The following EEPD1 variants were observed in gnomAD, a reference collection of about 807,000 sequenced individuals.
EEPD1 encodes the protein endonuclease/exonuclease/phosphatase family domain containing 1, also known as endonuclease/exonuclease/phosphatase family domain-containing protein 1.
EEPD1 carries 17 observed loss-of-function variants against 46.3 expected under a neutral mutation model. The ratio of observed to expected loss-of-function variants is 0.37; its 90% CI spans 0.25 to 0.55. The LOEUF (loss-of-function observed/expected upper bound fraction) is 0.55, where lower values mean the gene tolerates loss of function less well. Among genes scored for constraint, EEPD1 ranks in the 20% least tolerant of loss-of-function variants. The probability of loss-of-function intolerance (pLI) is 0.83; values close to 1 mark genes in which losing one functional copy is unlikely to be tolerated. For synonymous variants in EEPD1, 313 were observed against 315.6 expected (o/e 0.99, Z 0.09); for missense variants, 673 against 745.6 (o/e 0.90, Z 1.13).
Position 36,298,376 on chromosome 7 carries a change from C to T in EEPD1, c.1511-631C>T, listed in dbSNP as rs1787558680. 2.6e-5 allele frequency among the ~76,000 whole-genome samples: 4 copies of T among 152,266 alleles called. No homozygotes were observed. In the South Asian group the frequency reaches 8.3e-4, roughly 32 times the overall value. On this transcript the variant is annotated intron_variant, in intron 7 of 7. Coordinates refer to ENST00000242108, the MANE Select transcript of EEPD1 (RefSeq NM_030636.3). ...CTACAGAATGGTCAGCAGTGTGTGC[C>T]AAAGCTCCACCCAGAATCTAGGCCC...
At chr7:36,180,611 C>T (rs1785256217) in intron 2 of EEPD1, among the ~76,000 whole-genome samples, 1 of 152,134 alleles carries the variant, frequency 6.6e-6, no homozygotes, top group Non-Finnish European at 1.5e-5. Flanking sequence ...GCTCTTAGGG[C>T]AGCCCTGGGA....
chr7:36,195,245 A>T (rs1196579836), intron 2 of EEPD1, among the ~76,000 whole-genome samples: 1 of 152,172 alleles, frequency 6.6e-6, no homozygotes, highest in Non-Finnish European at 1.5e-5. Flanking sequence ...AAGGGGGAGC[A>T]TGCGGGATTT....
In EEPD1 at chr7:36,239,044, T is replaced by G. The variant is rs1265457958; in HGVS notation, c.930+8T>G. ...AGAGAGGCCTTGGAAAAGGTAAATA[T>G]TTTACTCTTCCTTCCACATTCACAA... is the stretch of plus-strand genomic sequence containing the variant. On this transcript the variant is annotated splice_region_variant and intron_variant, in intron 3 of 7. Coordinates refer to ENST00000242108, the MANE Select transcript of EEPD1 (RefSeq NM_030636.3). 1 of 1,611,458 alleles carries G rather than the reference T, an allele frequency of 6.2e-7. No homozygotes were observed. The highest frequency in any genetic ancestry group is 1.3e-5 in the African/African-American group (1 of 74,904).
At chr7:36,170,260 T>G (rs1425718139) in intron 2 of EEPD1, among the ~76,000 whole-genome samples, 2 of 152,040 alleles carry the variant, frequency 1.3e-5, no homozygotes, top group African/African-American at 2.4e-5. Flanking sequence ...AATACAAAAA[T>G]TAGCTGGGCA....
rs114527058 is a variant in EEPD1 at position 36,217,818 on chromosome 7, A to G, written c.879-21167A>G. ...CTAACAAAACCCAGAGGTGAATTTC[A>G]CCTGGCCTAAAAGGAAGAGAAACCT... On this transcript the variant is annotated intron_variant, in intron 2 of 7. Transcript: ENST00000242108. 3.5e-3 allele frequency among the ~76,000 whole-genome samples: 540 copies of G among 152,252 alleles called. 4 individuals are homozygous for G. The highest frequency in any genetic ancestry group is 0.012 in the African/African-American group (507 of 41,538).
At chr7:36,274,469 A>G (rs196580) in intron 3 of EEPD1, among the ~76,000 whole-genome samples, 105,058 of 152,070 alleles carry the variant, frequency 0.69, 36,935 homozygotes, top group Non-Finnish European at 0.76. Context: ...TATTTAGCAG[A>G]CCAAACATGG....
At chr7:36,198,784 C>T (rs1245724535) in intron 2 of EEPD1, among the ~76,000 whole-genome samples, 2 of 152,128 alleles carry the variant, frequency 1.3e-5, no homozygotes, top group African/African-American at 4.8e-5. Flanking sequence ...CAGGAGGCCT[C>T]AGCAAGAGCC....
chr7:36,291,597 C>T, intron 6 of EEPD1, among the ~76,000 whole-genome samples: 1 of 152,186 alleles, frequency 6.6e-6, no homozygotes, highest in Non-Finnish European at 1.5e-5. Context: ...TTCCTTCCAT[C>T]CCACCCATTG....
intron 6 of EEPD1, among the ~76,000 whole-genome samples, chr7:36,290,927 G>A (rs1268289177): frequency 6.6e-6 from 1 of 152,182 alleles, no homozygotes; most frequent in Non-Finnish European, 1.5e-5. Context: ...ATCTACCTGT[G>A]GATTCTCAGA....
intron 3 of EEPD1, among the ~76,000 whole-genome samples, chr7:36,246,991 T>C (rs1336221162): frequency 6.6e-6 from 1 of 152,000 alleles, no homozygotes; most frequent in Middle Eastern, 3.2e-3. Context: ...CCAGGCGTGG[T>C]GGCACACACC....
chr7:36,249,091 T>C (rs975318921), intron 3 of EEPD1, among the ~76,000 whole-genome samples: 16 of 151,678 alleles, frequency 1.1e-4, no homozygotes, highest in Admixed American at 7.2e-4. Flanking sequence ...TCAGGGGCTC[T>C]CACTACCTTT....
intron 3 of EEPD1, among the ~76,000 whole-genome samples, chr7:36,278,882 C>T (rs975250442): frequency 1.3e-5 from 2 of 152,204 alleles, no homozygotes; most frequent in Non-Finnish European, 2.9e-5. Context: ...CCCACTCCCT[C>T]GCCCCTGTCA....
intron 3 of EEPD1, among the ~76,000 whole-genome samples, chr7:36,262,692 C>T (rs76167878): frequency 0.01 from 1,553 of 152,214 alleles, 26 homozygotes; most frequent in East Asian, 0.049. Flanking sequence ...TGAGGCATTT[C>T]GCCTGTACCA....
intron 3 of EEPD1, among the ~76,000 whole-genome samples, chr7:36,267,405 C>G (rs937834278): frequency 6.6e-6 from 1 of 152,218 alleles, no homozygotes; most frequent in African/African-American, 2.4e-5. Context: ...ACACTGGCCT[C>G]TCTGTCCTGC....
intron 2 of EEPD1, among the ~76,000 whole-genome samples, chr7:36,233,732 A>G (rs1185266521): frequency 6.6e-6 from 1 of 152,192 alleles, no homozygotes; most frequent in East Asian, 1.9e-4. Context: ...GATGAGACAG[A>G]TGGTGTTGGA....
intron 2 of EEPD1, among the ~76,000 whole-genome samples, chr7:36,173,723 G>A (rs1648959445): frequency 6.6e-6 from 1 of 152,216 alleles, no homozygotes; most frequent in Admixed American, 6.5e-5. Context: ...GAACTCTTCT[G>A]TGTTGATTGT....
At chr7:36,295,042 G>A (rs1211528973) in intron 6 of EEPD1, among the ~76,000 whole-genome samples, 1 of 152,034 alleles carries the variant, frequency 6.6e-6, no homozygotes, top group Non-Finnish European at 1.5e-5. Context: ...GCCAGGCGTG[G>A]TGGTCCATAC....
chr7:36,197,123 A>C (rs1261190671), intron 2 of EEPD1, among the ~76,000 whole-genome samples: 10 of 114,448 alleles, frequency 8.7e-5, no homozygotes, highest in Admixed American at 2.7e-4. Context: ...AAGTGAGGAG[A>C]CCCTCCGCCT....
chr7:36,220,331 A>G (rs1299948498), intron 2 of EEPD1, among the ~76,000 whole-genome samples: 2 of 152,130 alleles, frequency 1.3e-5, no homozygotes, highest in African/African-American at 4.8e-5. Flanking sequence ...GGGAAGGGAA[A>G]GGCTCAAGTT....
Sources: gnomAD v4.1 joint callset for allele counts (sites outside exome capture counted in the v4.1 genomes callset) on GRCh38, gnomAD v4.1.1 for gene constraint, MANE v1.5 for transcripts, NCBI Gene and HGNC (gene_info 2026-07-23, HGNC 2026-07-21) for gene names.